The following CENPM variants were observed in gnomAD, a reference collection of about 807,000 sequenced individuals.
CENPM encodes the protein interphase centromere complex protein 39.
A neutral mutation model predicts 19.6 loss-of-function variants in CENPM; 14 were observed. That is an observed-to-expected ratio of 0.71 (90% confidence interval 0.47 to 1.11). The LOEUF is 1.11. CENPM is among the 50% of genes most tolerant of loss of function. CENPM has a pLI of 0.00. For synonymous variants in CENPM, 114 were observed against 101.5 expected (o/e 1.12, Z -0.74); for missense variants, 239 against 228.4 (o/e 1.05, Z -0.30).
intron 1 of CENPM, chr22:41,946,698 C>T (rs1330919134): frequency 5.0e-6 from 3 of 600,036 alleles, no homozygotes; most frequent in South Asian, 2.0e-5. Flanking sequence ...GGGCACCGCA[C>T]TCTCTACTAC....
At chr22:41,931,240 G>A in the CENPM span, among the ~76,000 whole-genome samples, 4 of 151,492 alleles carry the variant, frequency 2.6e-5, no homozygotes, top group African/African-American at 4.8e-5. Context: ...AGACCGAGGC[G>A]GGTGGATCAC....
downstream of CENPM, chr22:41,938,708 T>A (rs1465579024): frequency 3.2e-5 from 7 of 216,934 alleles, no homozygotes; most frequent in Middle Eastern, 1.6e-3. Context: ...TTTCCTCATC[T>A]ACAAAGTCAA....
At chr22:41,943,288 A>G (rs2077759463) in intron 5 of CENPM, among the ~76,000 whole-genome samples, 1 of 152,228 alleles carries the variant, frequency 6.6e-6, no homozygotes, top group Non-Finnish European at 1.5e-5. Flanking sequence ...AGACTTAGTT[A>G]TAACTGAGTA....
At chr22:41,935,687 C>T, downstream of CENPM, among the ~76,000 whole-genome samples, 1 of 152,198 alleles carries the variant, frequency 6.6e-6, no homozygotes, top group East Asian at 1.9e-4. Context: ...CACCACTCTG[C>T]TCCCACGCTA....
downstream of CENPM, among the ~76,000 whole-genome samples, chr22:41,934,338 AG>A (rs1273805872): frequency 6.6e-6 from 1 of 152,196 alleles, no homozygotes; most frequent in African/African-American, 2.4e-5. Context: ...AGGTGGAATG[AG>A]GGGGACAAAT....
chr22:41,927,543 C>T, the CENPM span, among the ~76,000 whole-genome samples: 1 of 135,078 alleles, frequency 7.4e-6, no homozygotes, highest in Non-Finnish European at 1.5e-5. Flanking sequence ...GAAAAAGAGT[C>T]TGGCTCTGTG....
downstream of CENPM, among the ~76,000 whole-genome samples, chr22:41,937,257 T>C (rs1334890028): frequency 6.6e-6 from 1 of 152,234 alleles, no homozygotes; most frequent in Non-Finnish European, 1.5e-5. Context: ...CTTCTGACAG[T>C]GGTGTAATTC....
intron 5 of CENPM, among the ~76,000 whole-genome samples, chr22:41,941,337 G>A (rs2077736872): frequency 6.6e-6 from 1 of 152,234 alleles, no homozygotes; most frequent in African/African-American, 2.4e-5. Flanking sequence ...TCCATCTGAG[G>A]GATGCAGGCC....
At chr22:41,928,065 A>G in the CENPM span, 1 of 281,668 alleles carries the variant, frequency 3.6e-6, no homozygotes, top group South Asian at 3.3e-5. This position sits in a 1 kb window ranked among gnomAD's most constrained non-coding sequence, Gnocchi z 4.0. Context: ...GCTGGGACCG[A>G]AAGGCTGGAC....
chr22:41,947,129 CG>C lies in CENPM; in HGVS notation c.-54del. The C allele has an allele frequency of 6.3e-6, 10 of 1,578,312 alleles. No homozygotes were observed. The highest frequency in any genetic ancestry group is 8.7e-6 in the Non-Finnish European group (10 of 1,152,278). ...TGCGGTGCGCGCCGATCTTTCAAAC[CG>C]CCCTGAGTCCAGCCCCTAGAGCGCG... On this transcript the variant is annotated 5_prime_UTR_variant, in exon 1 of 6. Coordinates refer to ENST00000215980, the MANE Select transcript of CENPM (RefSeq NM_024053.5).
At chr22:41,946,254 A>T in intron 2 of CENPM, 163 bp downstream of exon 2, 1 of 667,350 alleles carries the variant, frequency 1.5e-6, no homozygotes, top group Non-Finnish European at 2.6e-6. Flanking sequence ...CGGCAAGGGG[A>T]GGTTGGGATA....
chr22:41,942,935 A>C (rs1416375124), intron 5 of CENPM, among the ~76,000 whole-genome samples: 3 of 151,080 alleles, frequency 2.0e-5, no homozygotes, highest in Admixed American at 6.6e-5. Flanking sequence ...ACCTTATCTA[A>C]AACAATAACG....
intron 5 of CENPM, among the ~76,000 whole-genome samples, chr22:41,940,869 C>T (rs974185426): frequency 3.9e-5 from 6 of 152,148 alleles, no homozygotes; most frequent in Admixed American, 2.6e-4. Flanking sequence ...CAGCCTCGAC[C>T]CAGCCTCCTG....
downstream of CENPM, among the ~76,000 whole-genome samples, chr22:41,937,293 C>T (rs1279851037): frequency 3.3e-5 from 5 of 152,294 alleles, no homozygotes; most frequent in South Asian, 2.1e-4. Flanking sequence ...TTTTGAACTC[C>T]GCTGTGTGAT....
At chr22:41,930,813 C>G in the CENPM span, among the ~76,000 whole-genome samples, 3,337 of 151,534 alleles carry the variant, frequency 0.022, 60 homozygotes, top group Non-Finnish European at 0.031. Flanking sequence ...AGCCACCACT[C>G]CTGGCCTAAT....
At chr22:41,933,340 G>A in the CENPM span, among the ~76,000 whole-genome samples, 16 of 151,740 alleles carry the variant, frequency 1.1e-4, no homozygotes, top group African/African-American at 3.4e-4. Flanking sequence ...TCCCGTGTGC[G>A]GACAGCGGCA....
chr22:41,946,455 G>C lies in CENPM; in HGVS notation c.99C>G (p.Asp33Glu). ...AGGCGCAGTCCTCTTTGAGCATCGA[G>C]TCCGCCAGCTGCTGCAGAAGAGCAT... is the stretch of plus-strand genomic sequence containing the variant. The part of the protein sequence containing the change: ...TEDALLQQLA[D>E]SMLKEDCASE... Residue 33 changes from aspartate to glutamate, a missense_variant, in exon 2 of 6, where the codon GAC (aspartate) becomes GAG (glutamate). Asp to Glu is a conservative substitution (Grantham distance 45). Transcript: ENST00000215980. 5 of 1,613,082 alleles carry C rather than the reference G, an allele frequency of 3.1e-6. No individual in the cohort carries two copies. The highest frequency in any genetic ancestry group is 4.2e-6 in the Non-Finnish European group (5 of 1,179,982).
chr22:41,946,955 C>T, intron 1 of CENPM, 65 bp downstream of exon 1: 1 of 1,531,668 alleles, frequency 6.5e-7, no homozygotes, highest in Non-Finnish European at 9.0e-7. Flanking sequence ...GCTCAGTTGA[C>T]CTAGTGGCTG....
intron 5 of CENPM, chr22:41,940,101 G>A (rs746015441): frequency 1.3e-6 from 1 of 749,366 alleles, no homozygotes; most frequent in Non-Finnish European, 2.5e-6. Context: ...CCCGCCCTTT[G>A]CTATTGTGCT....
Sources: gnomAD v4.1 joint callset for allele counts (sites outside exome capture counted in the v4.1 genomes callset) on GRCh38, gnomAD v4.1.1 for gene constraint, Gnocchi (gnomAD v3.1) non-coding constraint, MANE v1.5 for transcripts, NCBI Gene and HGNC (gene_info 2026-07-23, HGNC 2026-07-21) for gene names.